The following ADAMTS19 variants were observed in gnomAD, a reference collection of about 807,000 sequenced individuals.
ADAMTS19 encodes A disintegrin and metalloproteinase with thrombospondin motifs 19.
In ADAMTS19, 93 loss-of-function variants were observed where a neutral mutation model predicts 153.3. The ratio of observed to expected loss-of-function variants is 0.61; its 90% CI spans 0.51 to 0.72. The LOEUF (loss-of-function observed/expected upper bound fraction) is 0.72, where lower values mean the gene tolerates loss of function less well. ADAMTS19 is among the 30% of genes least tolerant of loss of function. The pLI is 0.00. For missense variants in ADAMTS19, 1,482 were observed against 1,552.1 expected (o/e 0.95, Z 0.76); for synonymous variants, 600 against 556.6 (o/e 1.08, Z -1.10).
chr5:129,703,691 T>C (rs751207420), intron 20 of ADAMTS19, among the ~76,000 whole-genome samples: 16 of 152,132 alleles, frequency 1.1e-4, no homozygotes, highest in Non-Finnish European at 2.1e-4. Flanking sequence ...AAGATCACGC[T>C]ACTGCACTCC....
At chr5:129,582,674 GC>G (rs1554095751) in intron 7 of ADAMTS19, among the ~76,000 whole-genome samples, 1 of 151,824 alleles carries the variant, frequency 6.6e-6, no homozygotes, top group Non-Finnish European at 1.5e-5. Context: ...CCAGGTTCAT[GC>G]CATTCTCCTG....
rs180986170 is a variant in ADAMTS19, at chr5:129,672,290, G to C, written c.2506+6711G>C. Among the ~76,000 whole-genome samples, 36 of 152,192 alleles carry C rather than the reference G, an allele frequency of 2.4e-4. 1 individual carries two copies. The East Asian group carries it at 6.8e-3, about 29-fold the overall frequency. On this transcript the variant is annotated intron_variant, in intron 16 of 22. Transcript: ENST00000274487. ...CACCTCCTAATAAGAACACATTAGG[G>C]GGTAGGGTTTTAACATGAATTTGGG...
chr5:129,527,941 C>T (rs1398411880), intron 5 of ADAMTS19, 110 bp downstream of exon 5: 8 of 647,466 alleles, frequency 1.2e-5, no homozygotes, highest in African/African-American at 3.7e-5. Flanking sequence ...GAAATATCCA[C>T]TGAATCACTT....
At chr5:129,613,014 C>T (rs912659005) in intron 8 of ADAMTS19, among the ~76,000 whole-genome samples, 1 of 152,138 alleles carries the variant, frequency 6.6e-6, no homozygotes, top group Non-Finnish European at 1.5e-5. Context: ...GCACCCAATG[C>T]AGGAGCACCC....
rs1458615163 is a variant in ADAMTS19 at position 129,509,146 on chromosome 5, G to C, written c.817G>C (p.Gly273Arg). The change falls in exon 3 of 23, where the codon GGT (glycine) becomes CGT (arginine). Residue 273 changes from glycine to arginine, a missense_variant. By Grantham distance (125) the Gly-to-Arg change is moderately radical. Coordinates refer to ENST00000274487, the MANE Select transcript of ADAMTS19 (RefSeq NM_133638.6). ...EPLNDTMAIT[G>R]HPHRVYRQKR... Reference sequence around the variant, plus strand: ...ACTCAATGATACAATGGCCATAACAGGTCACCCACACCGTGTATATAGGCA... The same window carrying C: ...ACTCAATGATACAATGGCCATAACACGTCACCCACACCGTGTATATAGGCA... The C allele has an allele frequency of 6.2e-7, 1 of 1,611,920 alleles. No homozygotes were observed.
chr5:129,526,627 T>C, intron 4 of ADAMTS19, 171 bp downstream of exon 4: 2 of 565,560 alleles, frequency 3.5e-6, no homozygotes, highest in Non-Finnish European at 5.6e-6. Flanking sequence ...TCAAAAGCAA[T>C]ATCAAAATAA....
intron 2 of ADAMTS19, among the ~76,000 whole-genome samples, chr5:129,478,728 G>A (rs1296505090): frequency 6.6e-6 from 1 of 151,896 alleles, no homozygotes; most frequent in Non-Finnish European, 1.5e-5. Context: ...TTTTTGTACA[G>A]ATGAGGGGTC....
intron 7 of ADAMTS19, among the ~76,000 whole-genome samples, chr5:129,553,440 A>G (rs1455394002): frequency 6.6e-6 from 1 of 152,218 alleles, no homozygotes; most frequent in Non-Finnish European, 1.5e-5. Flanking sequence ...ACACATTTGA[A>G]TAATTGAGTA....
chr5:129,715,824 T>C (rs1210404366), intron 21 of ADAMTS19, among the ~76,000 whole-genome samples: 6 of 151,944 alleles, frequency 3.9e-5, no homozygotes, highest in African/African-American at 1.5e-4. Flanking sequence ...AGGGGAGAGG[T>C]ATGGGATGGA....
chr5:129,480,139 A>G (rs1269386489), intron 2 of ADAMTS19, among the ~76,000 whole-genome samples: 1 of 152,166 alleles, frequency 6.6e-6, no homozygotes, highest in Non-Finnish European at 1.5e-5. Flanking sequence ...AAATAGTTCT[A>G]CTTAAATATG....
intron 21 of ADAMTS19, among the ~76,000 whole-genome samples, chr5:129,724,956 T>C (rs925335467): frequency 2.6e-5 from 4 of 152,106 alleles, no homozygotes; most frequent in Non-Finnish European, 5.9e-5. Flanking sequence ...GTTGAACATA[T>C]CTGGGCCCCA....
intron 7 of ADAMTS19, among the ~76,000 whole-genome samples, chr5:129,575,293 C>T (rs754641620): frequency 6.6e-6 from 1 of 152,018 alleles, no homozygotes; most frequent in East Asian, 1.9e-4. Context: ...ATTTATACAG[C>T]TTTTTGCTAG....
chr5:129,570,138 C>A (rs1753845089), intron 7 of ADAMTS19, among the ~76,000 whole-genome samples: 1 of 151,820 alleles, frequency 6.6e-6, no homozygotes, highest in African/African-American at 2.4e-5. Context: ...TCAGTGGAAA[C>A]AAATTTTTTT....
chr5:129,653,280 G>A (rs1753396107), intron 13 of ADAMTS19, among the ~76,000 whole-genome samples: 1 of 152,116 alleles, frequency 6.6e-6, no homozygotes, highest in Non-Finnish European at 1.5e-5. Flanking sequence ...GACCTGACTG[G>A]CATCAAGCCA....
intron 16 of ADAMTS19, among the ~76,000 whole-genome samples, chr5:129,675,866 T>C (rs185200516): frequency 4.1e-4 from 62 of 152,128 alleles, no homozygotes; most frequent in African/African-American, 7.2e-4. Context: ...TCGTCTCTAC[T>C]AAAAATACAA....
intron 10 of ADAMTS19, among the ~76,000 whole-genome samples, chr5:129,624,794 A>G (rs749013941): frequency 1.3e-5 from 2 of 152,204 alleles, no homozygotes; most frequent in Non-Finnish European, 2.9e-5. Flanking sequence ...TATCTTCCAC[A>G]TAATGTGTTT....
intron 21 of ADAMTS19, among the ~76,000 whole-genome samples, chr5:129,729,205 G>A (rs561847303): frequency 2.0e-5 from 3 of 151,920 alleles, no homozygotes; most frequent in Non-Finnish European, 2.9e-5. Flanking sequence ...TTAGAAGCCA[G>A]GTCTCCTAAT....
chr5:129,712,898 CAT>C (rs1756547399), intron 21 of ADAMTS19, among the ~76,000 whole-genome samples: 1 of 152,098 alleles, frequency 6.6e-6, no homozygotes, highest in Non-Finnish European at 1.5e-5. Flanking sequence ...AATATAAGAA[CAT>C]GTGTTTAATG....
Position 129,461,083 on chromosome 5 carries a change from C to A in ADAMTS19, c.92-19C>A. On this transcript the variant is annotated intron_variant, in intron 1 of 22. Transcript: ENST00000274487. The surrounding 1 kb of genome is among the most constrained non-coding windows in gnomAD (Gnocchi z 4.6). Reference sequence around the variant, plus strand: ...CCGCGGCACTTTAAGCCCCGCACTTCTGTCTGCCCCGCCCGCAGAGCTGCA... The same window carrying A: ...CCGCGGCACTTTAAGCCCCGCACTTATGTCTGCCCCGCCCGCAGAGCTGCA... The A allele has an allele frequency of 7.3e-7, 1 of 1,375,662 alleles. No individual in the cohort carries two copies. Among genetic ancestry groups the A allele is most frequent in the Non-Finnish European group, 9.4e-7 (1 of 1,067,158 alleles). The allele number at this position is 1,375,662 out of a possible 1,614,324, so 85.2% of individuals were successfully genotyped here. A position where few individuals can be genotyped will look rare whatever the true frequency, so the allele number is the denominator to read the frequency against.
Sources: allele counts gnomAD v4.1 joint callset (sites outside exome capture counted in the v4.1 genomes callset), GRCh38; gene constraint gnomAD v4.1.1; non-coding constraint Gnocchi (gnomAD v3.1); transcripts MANE v1.5; gene names NCBI Gene and HGNC (gene_info 2026-07-23, HGNC 2026-07-21).